Variants in DGKQ observed in about 807,000 individuals in gnomAD.
DGKQ encodes the protein DAG kinase theta.
DGKQ carries 97 observed loss-of-function variants against 104.2 expected under a neutral mutation model. That is an observed-to-expected ratio of 0.93 (90% CI 0.79 to 1.10). The LOEUF (loss-of-function observed/expected upper bound fraction) is 1.10. Ranked by LOEUF, DGKQ falls within the 50% of genes least tolerant of loss-of-function variation. DGKQ has a pLI of 0.00. For missense variants in DGKQ, 1,465 were observed against 1,352.1 expected, an observed-to-expected ratio of 1.08 and a Z score of -1.31; for synonymous variants, 736 against 595.2, an observed-to-expected ratio of 1.24 and a Z score of -3.44.
chr4:967,883 GCTCCGCGGC>G lies in DGKQ; in HGVS notation c.799_807del (p.Ala267_Glu269del). 1 of 1,451,164 alleles carries G rather than the reference GCTCCGCGGC, an allele frequency of 6.9e-7. No individual in the cohort carries two copies. The highest frequency in any genetic ancestry group is 9.0e-7 in the Non-Finnish European group (1 of 1,109,090). 89.9% of individuals were successfully genotyped at this position (1,451,164 alleles called of 1,614,324 possible). Reference sequence around the variant, plus strand: ...CCCCGGCCGGCCCGCACCTCACCCGGCTCCGCGGCCTCCACGATGCGGAAGCTCTGCGTC... The same window carrying G: ...CCCCGGCCGGCCCGCACCTCACCCGGCTCCACGATGCGGAAGCTCTGCGTC... On this transcript the variant is annotated inframe_deletion, in exon 6 of 23. Transcript: ENST00000273814.
At chr4:962,109 G>T in intron 18 of DGKQ, 27 bp from the exon 19 acceptor site, 2 of 1,594,024 alleles carry the variant, frequency 1.3e-6, no homozygotes, top group South Asian at 1.1e-5. Flanking sequence ...CATCTCCCAG[G>T]ACCCGGCCGC....
Position 967,978 on chromosome 4 carries a change from C to A in DGKQ, c.713G>T (p.Arg238Leu), listed in dbSNP as rs978448682. 23 of 1,477,724 alleles carry A rather than the reference C, an allele frequency of 1.6e-5. No individual in the cohort carries two copies. The Admixed American group carries it at 5.7e-4, about 37-fold the overall frequency. 91.5% of individuals were successfully genotyped at this position (1,477,724 alleles called of 1,614,324 possible). ...GGGAGGCAGGACCAGGGAGCGCAGA[C>A]GCCCGAAGCCACACTCGGGAGCCAG... The part of the protein sequence containing the change: ...AALAPECGFG[R>L]LRSLVLPPAC... Residue 238 changes from arginine (R) to leucine (L), a missense_variant, in exon 6 of 23, where the codon CGT (arginine) becomes CTT (leucine). By Grantham distance (102) the Arg-to-Leu change is moderately radical. Transcript: ENST00000273814.
chr4:966,519 T>C lies in DGKQ; in HGVS notation c.1375A>G (p.Thr459Ala), dbSNP rs1712357563. 6.2e-7 allele frequency: 1 copy of C among 1,612,100 alleles called. No homozygotes were observed. Among genetic ancestry groups the C allele is most frequent in the East Asian group, 2.2e-5 (1 of 44,876 alleles). ...VAMGCRHVQR[T>A]MLMDEQPLLD... ...AGGGGCTGTTCGTCCATCAGCATCG[T>C]CCGCTGGACTGCAGAGGTGAGGGCA... is the stretch of plus-strand genomic sequence containing the variant. Residue 459 changes from threonine to alanine, a missense_variant, in exon 12 of 23, where the codon ACG becomes GCG. Physicochemically the swap from Thr to Ala is moderately conservative, Grantham distance 58. Coordinates refer to ENST00000273814, the MANE Select transcript of DGKQ (RefSeq NM_001347.4).
chr4:965,585 G>A (rs1712247927), intron 13 of DGKQ, 56 bp from the exon 14 acceptor site: 7 of 1,590,426 alleles, frequency 4.4e-6, no homozygotes, highest in Admixed American at 1.7e-5. Flanking sequence ...ACAGCACTGG[G>A]GCCAGGGACA....
rs776651493 is a variant in DGKQ at position 965,950 on chromosome 4, C to A, written c.1557G>T (p.Leu519=). The change falls in exon 13 of 23, where the codon CTG becomes CTT. Residue 519 remains leucine (L), a synonymous_variant. Coordinates refer to ENST00000273814, the MANE Select transcript of DGKQ (RefSeq NM_001347.4). Reference sequence around the variant, plus strand: ...CACCTTTGGTAGCCCCGGCCTCATGCAGCAGGCTGCTGTACTCCTCGGGAG... The same window carrying A: ...CACCTTTGGTAGCCCCGGCCTCATGAAGCAGGCTGCTGTACTCCTCGGGAG... ...GLSPEEYSSL[L]HEAGATKATV... is the part of the protein sequence containing the mutation. 113 of 1,604,502 alleles carry A rather than the reference C, an allele frequency of 7.0e-5. 2 individuals carry two copies. The South Asian group carries it at 8.9e-4, about 13-fold the overall frequency.
chr4:967,229 C>G lies in DGKQ; in HGVS notation c.1120G>C (p.Gly374Arg). The G allele has an allele frequency of 6.3e-7, 1 of 1,575,578 alleles. No individual in the cohort carries two copies. The highest frequency in any genetic ancestry group is 8.6e-7 in the Non-Finnish European group (1 of 1,163,064). Residue 374 changes from glycine (G) to arginine (R), a missense_variant, in exon 9 of 23, where the codon GGC becomes CGC. Gly to Arg is a moderately radical substitution (Grantham distance 125). Transcript: ENST00000273814. ...KAGSAVISEE[G>R]RSPGSGEATP... ...GCCTCGCCGGACCCGGGGCTTCTGC[C>G]CTCCTCCGAGATCACAGCACTCCCA...
intron 3 of DGKQ, 82 bp from the exon 4 acceptor site, chr4:968,646 C>A: frequency 7.1e-7 from 1 of 1,405,850 alleles, no homozygotes; most frequent in East Asian, 2.5e-5. Flanking sequence ...GCCCCATCCC[C>A]ACCACCTAGC....
rs1338281916 is a variant in DGKQ, at chr4:959,787, G to A, written c.*833C>T. 6.6e-6 allele frequency: 1 copy of A among 152,250 alleles called. No homozygotes were observed. Among genetic ancestry groups the A allele is most frequent in the Non-Finnish European group, 1.5e-5 (1 of 68,088 alleles). 9.4% of individuals were successfully genotyped at this position (152,250 alleles called of 1,614,324 possible). On this transcript the variant is annotated 3_prime_UTR_variant, in exon 23 of 23. Transcript: ENST00000273814. ...CCATGCCCTGCTTTTGGTCCCTTCT[G>A]GGTGCTAAGTGCCCCACCCTGAGGG... is the stretch of plus-strand genomic sequence containing the variant.
In DGKQ at chr4:965,491, C is replaced by T; in HGVS notation, c.1618G>A (p.Gly540Ser). Reference protein sequence around the residue: ...VSVSHIYSSQGAVVLDVACFA... With the variant: ...VSVSHIYSSQSAVVLDVACFA... ...GACCACGTCCCTCAGGGCAGCTCACCTTGGGAGGAGTAGATGTGACTCACG... is the reference window on the plus strand; with the variant it reads ...GACCACGTCCCTCAGGGCAGCTCACTTTGGGAGGAGTAGATGTGACTCACG... The change falls in exon 14 of 23, where the codon GGC becomes AGC. Residue 540 changes from glycine to serine, a missense_variant and splice_region_variant. Transcript: ENST00000273814. 4 of 1,611,402 alleles carry T rather than the reference C, an allele frequency of 2.5e-6. No homozygotes were observed. Among genetic ancestry groups the T allele is most frequent in the East Asian group, 2.2e-5 (1 of 44,830 alleles).
chr4:969,051 G>A lies in DGKQ; in HGVS notation c.352-141C>T, dbSNP rs955086417. On this transcript the variant is annotated intron_variant, in intron 2 of 22. Transcript: ENST00000273814. ...GGCTGAGCCAGCTGTGCTAGCTGGA[G>A]GCCCCAGGAACAACCACACCCCCAG... 4.4e-5 allele frequency: 25 copies of A among 568,090 alleles called. No homozygotes were observed. The Admixed American group carries it at 4.6e-4, about 11-fold the overall frequency. 35.2% of individuals were successfully genotyped at this position (568,090 alleles called of 1,614,324 possible).
intron 1 of DGKQ, 42 bp downstream of exon 1, chr4:973,170 G>C (rs1713072457): frequency 6.7e-7 from 1 of 1,493,706 alleles, no homozygotes; most frequent in Non-Finnish European, 8.9e-7. Context: ...ACGGGGCAGA[G>C]GCAGGGCTGC....
At position 966,471 on chromosome 4, in the gene DGKQ, G is replaced by A. The variant is rs746686910; in HGVS notation, c.1423C>T (p.Arg475Trp). ...QPLLDRLQDIRQMSVRQVSQT... is the reference protein window; with the variant it reads ...QPLLDRLQDIWQMSVRQVSQT... ...CGGCGTCCACACCCACTCACCTGCC[G>A]GATGTCCTGTAGCCGGTCCAGCAGG... Residue 475 changes from arginine (R) to tryptophan (W), a missense_variant, in exon 12 of 23, where the codon CGG becomes TGG. Physicochemically the swap from Arg to Trp is moderately radical, Grantham distance 101. Coordinates refer to ENST00000273814, the MANE Select transcript of DGKQ (RefSeq NM_001347.4). 1.8e-5 allele frequency: 29 copies of A among 1,612,262 alleles called. No homozygotes were observed. Among genetic ancestry groups the A allele is most frequent in the Non-Finnish European group, 1.7e-5 (20 of 1,179,664 alleles).
chr4:961,673 C>G lies in DGKQ; in HGVS notation c.2462+15G>C. The stretch of plus-strand genomic sequence containing the variant: ...CCGCCGGGCAGAGCCTCTGGGGAGC[C>G]CCGCCCGCGAGCACCTGGGGATGTT... On this transcript the variant is annotated intron_variant, in intron 20 of 22. Transcript: ENST00000273814. 1 of 1,612,178 alleles carries G rather than the reference C, an allele frequency of 6.2e-7. No homozygotes were observed. Among genetic ancestry groups the G allele is most frequent in the Non-Finnish European group, 8.5e-7 (1 of 1,179,850 alleles).
intron 15 of DGKQ, among the ~76,000 whole-genome samples, chr4:963,681 G>A (rs1712066172): frequency 6.6e-6 from 1 of 152,244 alleles, no homozygotes; most frequent in Non-Finnish European, 1.5e-5. Context: ...CCCCTGGGGG[G>A]CCTCTGGTGC....
At chr4:962,331 C>T (rs887377934) in intron 18 of DGKQ, 104 bp downstream of exon 18, 13 of 1,172,404 alleles carry the variant, frequency 1.1e-5, no homozygotes, top group Admixed American at 4.7e-5. Context: ...ATGATGCGGG[C>T]GCGTACACCC....
Position 959,149 on chromosome 4 carries a change from A to G in DGKQ, c.*1471T>C, listed in dbSNP as rs1412201998. On this transcript the variant is annotated 3_prime_UTR_variant, in exon 23 of 23. Coordinates refer to ENST00000273814, the MANE Select transcript of DGKQ (RefSeq NM_001347.4). Reference sequence around the variant, plus strand: ...AACAAGAGTGCACGCTGGAGGCCACAAGCGGCCTTACAATGCGTGTGTCTG... The same window carrying G: ...AACAAGAGTGCACGCTGGAGGCCACGAGCGGCCTTACAATGCGTGTGTCTG... 2 of 152,568 alleles carry G rather than the reference A, an allele frequency of 1.3e-5. No individual in the cohort carries two copies. The highest frequency in any genetic ancestry group is 2.9e-5 in the Non-Finnish European group (2 of 68,078). 9.5% of individuals were successfully genotyped at this position (152,568 alleles called of 1,614,324 possible).
intron 1 of DGKQ, among the ~76,000 whole-genome samples, chr4:972,981 C>T (rs1317914077): frequency 1.3e-5 from 2 of 152,182 alleles, no homozygotes; most frequent in African/African-American, 2.4e-5. Context: ...TCGCAGCCAT[C>T]GCGCGGCACT....
Position 965,181 on chromosome 4 carries a change from G to A in DGKQ, c.1729C>T (p.Leu577=), listed in dbSNP as rs1353689564. The A allele has an allele frequency of 6.2e-7, 1 of 1,612,290 alleles. No individual in the cohort carries two copies. Among genetic ancestry groups the A allele is most frequent in the Non-Finnish European group, 8.5e-7 (1 of 1,179,732 alleles). The change falls in exon 15 of 23, where the codon CTG becomes TTG. Residue 577 remains leucine, a synonymous_variant. Transcript: ENST00000273814. ...RLLTALVLPD[L]LHAKLPPDSC... Reference sequence around the variant, plus strand: ...CGGCTTGACCGCACACTCACCAGCAGGTCGGGGAGCACCAGGGCAGTGAGC... The same window carrying A: ...CGGCTTGACCGCACACTCACCAGCAAGTCGGGGAGCACCAGGGCAGTGAGC...
chr4:967,241 T>A lies in DGKQ; in HGVS notation c.1108A>T (p.Ile370Phe). ...CCGGGGCTTCTGCCCTCCTCCGAGATCACAGCACTCCCAGCCTTGCCCCCA... is the reference window on the plus strand; with the variant it reads ...CCGGGGCTTCTGCCCTCCTCCGAGAACACAGCACTCCCAGCCTTGCCCCCA... ...WAGGKAGSAV[I>F]SEEGRSPGSG... The change falls in exon 9 of 23, where the codon ATC becomes TTC. Residue 370 changes from isoleucine to phenylalanine, a missense_variant. Coordinates refer to ENST00000273814, the MANE Select transcript of DGKQ (RefSeq NM_001347.4). The A allele has an allele frequency of 6.4e-7, 1 of 1,569,010 alleles. No homozygotes were observed. Among genetic ancestry groups the A allele is most frequent in the Non-Finnish European group, 8.6e-7 (1 of 1,160,522 alleles).
Sources: gnomAD v4.1 joint callset for allele counts (sites outside exome capture counted in the v4.1 genomes callset) on GRCh38, gnomAD v4.1.1 for gene constraint, MANE v1.5 for transcripts, NCBI Gene and HGNC (gene_info 2026-07-23, HGNC 2026-07-21) for gene names.